Variants in TAF4B observed in about 807,000 individuals in gnomAD.
TAF4B encodes the protein transcription initiation factor TFIID subunit 4B.
Under a neutral mutation model 86.4 loss-of-function variants are expected in TAF4B, and 38 were observed. That is an observed-to-expected ratio of 0.44 (90% CI 0.34 to 0.58). The LOEUF (loss-of-function observed/expected upper bound fraction) is 0.58. TAF4B is among the 20% of genes least tolerant of loss of function. The probability of loss-of-function intolerance (pLI) is 0.02; values close to 1 mark genes in which losing one functional copy is unlikely to be tolerated. For missense variants in TAF4B, 988 were observed against 1,027.6 expected (o/e 0.96, Z 0.53); for synonymous variants, 388 against 391.2 (o/e 0.99, Z 0.10).
intron 12 of TAF4B, among the ~76,000 whole-genome samples, chr18:26,327,492 G>A (rs2057014075): frequency 6.6e-6 from 1 of 152,162 alleles, no homozygotes; most frequent in Admixed American, 6.5e-5. Flanking sequence ...GAAGGTTATG[G>A]GTAAAATTAG....
intron 7 of TAF4B, among the ~76,000 whole-genome samples, chr18:26,291,621 C>T (rs1014991280): frequency 6.7e-6 from 1 of 149,686 alleles, no homozygotes; most frequent in Non-Finnish European, 1.5e-5. Context: ...GCATGAGAAT[C>T]GCTTGAACCT....
At chr18:26,272,618 G>A (rs1165647196) in intron 3 of TAF4B, among the ~76,000 whole-genome samples, 2 of 151,946 alleles carry the variant, frequency 1.3e-5, no homozygotes, top group African/African-American at 4.8e-5. Flanking sequence ...GAGGGGGACA[G>A]TACACCCCCA....
chr18:26,294,615 A>T (rs914050701), intron 9 of TAF4B, among the ~76,000 whole-genome samples: 3 of 146,746 alleles, frequency 2.0e-5, no homozygotes, highest in African/African-American at 7.4e-5. Context: ...ACAAATATAT[A>T]AACAAACATA....
At chr18:26,233,198 C>G (rs1487180856) in intron 1 of TAF4B, among the ~76,000 whole-genome samples, 1 of 152,146 alleles carries the variant, frequency 6.6e-6, no homozygotes, top group Non-Finnish European at 1.5e-5. Context: ...CAAGGTAGCT[C>G]TGGTGAGCGG....
intron 1 of TAF4B, chr18:26,256,024 C>G: frequency 8.0e-7 from 1 of 1,249,026 alleles, no homozygotes; most frequent in Non-Finnish European, 1.2e-6. Flanking sequence ...TAAATTCCTT[C>G]TGCAGTTTAC....
At chr18:26,346,775 G>GTATATA (rs2057186723) in intron 13 of TAF4B, among the ~76,000 whole-genome samples, 1 of 13,258 alleles carries the variant, frequency 7.5e-5, no homozygotes, top group South Asian at 2.7e-3. Flanking sequence ...ATATATATAT[G>GTATATA]TGTGTGTATA....
intron 2 of TAF4B, among the ~76,000 whole-genome samples, 198 bp downstream of exon 2, chr18:26,265,513 C>T (rs1471557888): frequency 6.6e-6 from 1 of 152,064 alleles, no homozygotes; most frequent in Non-Finnish European, 1.5e-5. Context: ...ATAGTAAATT[C>T]AGTCTTCAGA....
chr18:26,275,559 T>G (rs1482488240), intron 5 of TAF4B, among the ~76,000 whole-genome samples: 1 of 152,246 alleles, frequency 6.6e-6, no homozygotes, highest in African/African-American at 2.4e-5. Flanking sequence ...TGTATATTTC[T>G]TTTGAAAATT....
In TAF4B at chr18:26,226,528, T is replaced by G; in HGVS notation, c.-406T>G. On this transcript the variant is annotated 5_prime_UTR_variant, in exon 1 of 15. Transcript: ENST00000269142. The stretch of plus-strand genomic sequence containing the variant: ...GGGGGCTGTGGGCACTCGGGGTTCG[T>G]AGTTTTGAAATTTCTGGCGGGGGAG... The G allele has an allele frequency of 6.4e-6, 1 of 157,202 alleles. No homozygotes were observed. Among genetic ancestry groups the G allele is most frequent in the East Asian group, 1.8e-4 (1 of 5,460 alleles). 9.7% of individuals were successfully genotyped at this position (157,202 alleles called of 1,614,324 possible).
At position 26,391,220 on chromosome 18, in the gene TAF4B, A is replaced by G. The variant is rs560618786; in HGVS notation, c.*1208A>G. 1 of 152,176 alleles carries G rather than the reference A, an allele frequency of 6.6e-6. No individual in the cohort carries two copies. The highest frequency in any genetic ancestry group is 2.4e-5 in the African/African-American group (1 of 41,546). The allele number at this position is 152,176 out of a possible 1,614,324, so 9.4% of individuals were successfully genotyped here. A position where few individuals can be genotyped will look rare whatever the true frequency, so the allele number is the denominator to read the frequency against. ...ACAAAGCAAACCCTCTTTAAAAAAA[A>G]AAAAAAGAAAATTCCACGTGTGTGG... On this transcript the variant is annotated 3_prime_UTR_variant, in exon 15 of 15. Transcript: ENST00000269142.
intron 9 of TAF4B, among the ~76,000 whole-genome samples, chr18:26,314,739 G>T (rs1473814598): frequency 1.3e-5 from 2 of 152,202 alleles, no homozygotes; most frequent in Non-Finnish European, 2.9e-5. Flanking sequence ...ATGAATGGTA[G>T]AGTACACTGG....
intron 14 of TAF4B, among the ~76,000 whole-genome samples, chr18:26,375,927 A>G (rs900865172): frequency 1.3e-5 from 2 of 152,110 alleles, no homozygotes; most frequent in African/African-American, 4.8e-5. Context: ...GCGTGTGGCT[A>G]TCCAGTTGTC....
chr18:26,245,797 C>T (rs1031934121), intron 1 of TAF4B, among the ~76,000 whole-genome samples: 1 of 152,226 alleles, frequency 6.6e-6, no homozygotes, highest in African/African-American at 2.4e-5. Context: ...GGCTTCACCT[C>T]TCATTAGTAC....
intron 1 of TAF4B, among the ~76,000 whole-genome samples, chr18:26,229,831 A>G (rs1439538621): frequency 6.6e-6 from 1 of 152,108 alleles, no homozygotes. Context: ...TTTGCATACC[A>G]AGAATTAGCA....
intron 1 of TAF4B, chr18:26,255,596 C>G: frequency 1.9e-6 from 1 of 513,594 alleles, no homozygotes. Flanking sequence ...GAGCAAAACT[C>G]TGTCTCCAAA....
At position 26,226,744 on chromosome 18, in the gene TAF4B, A is replaced by C; in HGVS notation, c.-190A>C. 1 of 444,114 alleles carries C rather than the reference A, an allele frequency of 2.3e-6. No individual in the cohort carries two copies. Among genetic ancestry groups the C allele is most frequent in the Non-Finnish European group, 3.8e-6 (1 of 260,004 alleles). 27.5% of individuals were successfully genotyped at this position (444,114 alleles called of 1,614,324 possible). A position where few individuals can be genotyped will look rare whatever the true frequency, so the allele number is the denominator to read the frequency against. On this transcript the variant is annotated 5_prime_UTR_variant, in exon 1 of 15. Transcript: ENST00000269142. ...GCCCAGGCTCGCGCGGACGAGAGGA[A>C]GGTCCGGGACGCGCGTGTCCTGCCG...
chr18:26,369,805 A>C (rs1791777), intron 14 of TAF4B, among the ~76,000 whole-genome samples: 151,749 of 152,350 alleles, frequency 1, 75,579 homozygotes, highest in South Asian at 1. Flanking sequence ...TGTATCATTT[A>C]TAGTCTTCTC....
At chr18:26,259,067 G>T (rs577507381) in intron 1 of TAF4B, among the ~76,000 whole-genome samples, 1 of 151,782 alleles carries the variant, frequency 6.6e-6, no homozygotes, top group Admixed American at 6.6e-5. Flanking sequence ...GTGTCTTGGC[G>T]TGGGGATCTC....
chr18:26,346,833 A>G (rs1598816403), intron 13 of TAF4B, among the ~76,000 whole-genome samples: 1 of 17,790 alleles, frequency 5.6e-5, no homozygotes, highest in African/African-American at 1.2e-4. Context: ...GTATATATAT[A>G]TATGTGTGTG....
Sources: gnomAD v4.1 joint callset for allele counts (sites outside exome capture counted in the v4.1 genomes callset) on GRCh38, gnomAD v4.1.1 for gene constraint, MANE v1.5 for transcripts, NCBI Gene and HGNC (gene_info 2026-07-23, HGNC 2026-07-21) for gene names.